ANKS1B: variants seen among roughly 807,000 people sequenced by gnomAD.
ANKS1B encodes the protein ankyrin repeat and sterile alpha motif domain-containing protein 1B.
ANKS1B carries 36 observed loss-of-function variants against 148.3 expected under a neutral mutation model. The observed-to-expected ratio is 0.24, with a 90% confidence interval of 0.19 to 0.32. The LOEUF is 0.32. Among genes scored for constraint, ANKS1B ranks in the 10% least tolerant of loss-of-function variants. The pLI, the probability that ANKS1B is intolerant of heterozygous loss-of-function variation, is 1.00. For missense variants in ANKS1B, 1,157 were observed against 1,542.6 expected, an observed-to-expected ratio of 0.75 and a Z score of 4.19; for synonymous variants, 542 against 560.8, an observed-to-expected ratio of 0.97 and a Z score of 0.47.
intron 17 of ANKS1B, among the ~76,000 whole-genome samples, chr12:98,964,245 A>C (rs1371580280): frequency 1.3e-5 from 2 of 152,232 alleles, no homozygotes; most frequent in Non-Finnish European, 2.9e-5. Context: ...AACTGCAATG[A>C]GATATCATTT....
chr12:99,930,309 T>G (rs2094581060), intron 1 of ANKS1B, among the ~76,000 whole-genome samples: 1 of 152,082 alleles, frequency 6.6e-6, no homozygotes, highest in Non-Finnish European at 1.5e-5. Flanking sequence ...TGTCTGTTAT[T>G]GGTGTATAAG....
At chr12:99,866,352 T>C (rs940078749) in intron 1 of ANKS1B, among the ~76,000 whole-genome samples, 2 of 152,188 alleles carry the variant, frequency 1.3e-5, no homozygotes, top group Non-Finnish European at 2.9e-5. Context: ...TCCAGCATAC[T>C]TGCATTTTTC....
At chr12:99,338,337 T>C (rs932084796) in intron 12 of ANKS1B, among the ~76,000 whole-genome samples, 9 of 152,154 alleles carry the variant, frequency 5.9e-5, no homozygotes, top group Admixed American at 5.9e-4. Flanking sequence ...ACTGTGTGGC[T>C]ATTGCCGATA....
chr12:99,627,693 A>C (rs938095328), intron 9 of ANKS1B, among the ~76,000 whole-genome samples: 21 of 152,352 alleles, frequency 1.4e-4, no homozygotes, highest in African/African-American at 4.8e-4. Flanking sequence ...GCTGGAGATC[A>C]TAAACATTTG....
chr12:98,771,796 GAGCATATGGGCC>G (rs1301529417), intron 25 of ANKS1B, among the ~76,000 whole-genome samples: 2 of 152,162 alleles, frequency 1.3e-5, no homozygotes, highest in African/African-American at 4.8e-5. Flanking sequence ...ATTTCTGAAT[GAGCATATGGGCC>G]AAATCTTGGA....
At chr12:99,317,410 T>C (rs1474797969) in intron 12 of ANKS1B, among the ~76,000 whole-genome samples, 1 of 152,250 alleles carries the variant, frequency 6.6e-6, no homozygotes, top group East Asian at 1.9e-4. Flanking sequence ...CTAGGTATTT[T>C]ATTCTCTTTG....
intron 17 of ANKS1B, 109 bp downstream of exon 17, chr12:99,053,048 G>A (rs2099967308): frequency 1.0e-6 from 1 of 961,458 alleles, no homozygotes. Context: ...TAAAACAGAA[G>A]GCATATCTAT....
chr12:99,801,230 G>A (rs1336513744), intron 4 of ANKS1B, among the ~76,000 whole-genome samples: 13 of 152,154 alleles, frequency 8.5e-5, no homozygotes, highest in African/African-American at 3.1e-4. Context: ...ATGCCCCCCT[G>A]CCTAGTCCCA....
chr12:99,265,814 C>A (rs1483462461), intron 12 of ANKS1B, among the ~76,000 whole-genome samples: 1 of 152,112 alleles, frequency 6.6e-6, no homozygotes, highest in African/African-American at 2.4e-5. Context: ...TTCTTTACTT[C>A]GTGCTTTAAC....
chr12:99,143,624 G>A (rs959892740), intron 15 of ANKS1B, among the ~76,000 whole-genome samples: 1 of 152,040 alleles, frequency 6.6e-6, no homozygotes, highest in African/African-American at 2.4e-5. Flanking sequence ...TGTTTGATGT[G>A]GTGTCTCCTG....
intron 8 of ANKS1B, among the ~76,000 whole-genome samples, chr12:99,701,592 C>T (rs999750218): frequency 2.0e-5 from 3 of 152,054 alleles, no homozygotes; most frequent in African/African-American, 7.2e-5. Flanking sequence ...TTATTGCCGA[C>T]TACAGACACC....
chr12:98,905,663 C>T (rs2152805635), intron 17 of ANKS1B, among the ~76,000 whole-genome samples: 1 of 152,010 alleles, frequency 6.6e-6, no homozygotes, highest in South Asian at 2.1e-4. Flanking sequence ...TCCCAGCTGT[C>T]CGGGAGGGTG....
rs11110103 is a variant in ANKS1B, at chr12:99,901,650, G to A, written c.135-76261C>T. ...TTCTCAGTCCATGTAGACTGGATGA[G>A]GTCTCCTTACTCCACTCAACAAAGC... On this transcript the variant is annotated intron_variant, in intron 1 of 26. Coordinates refer to ENST00000683438, the MANE Select transcript of ANKS1B (RefSeq NM_001352186.2). Among the ~76,000 whole-genome samples, 327 of 152,216 alleles carry A rather than the reference G, an allele frequency of 2.1e-3. 1 individual carries two copies. Among genetic ancestry groups the A allele is most frequent in the African/African-American group, 7.6e-3 (315 of 41,518 alleles).
intron 12 of ANKS1B, among the ~76,000 whole-genome samples, chr12:99,360,824 GA>G (rs747666998): frequency 1.3e-5 from 2 of 152,026 alleles, no homozygotes; most frequent in African/African-American, 2.4e-5. Context: ...CGGTTTACTG[GA>G]GATCATTCTG....
intron 8 of ANKS1B, among the ~76,000 whole-genome samples, chr12:99,759,097 C>T (rs1347152668): frequency 6.6e-6 from 1 of 151,790 alleles, no homozygotes; most frequent in Non-Finnish European, 1.5e-5. Flanking sequence ...ATTCCCTTGA[C>T]TAAGCATTCT....
At chr12:99,237,009 C>A (rs1426032918) in intron 14 of ANKS1B, among the ~76,000 whole-genome samples, 1 of 152,006 alleles carries the variant, frequency 6.6e-6, no homozygotes, top group Non-Finnish European at 1.5e-5. Context: ...AGGCTTAATA[C>A]CTGGGTGATG....
At chr12:99,780,497 T>C (rs192014573) in intron 5 of ANKS1B, among the ~76,000 whole-genome samples, 2,568 of 152,060 alleles carry the variant, frequency 0.017, 49 homozygotes, top group Non-Finnish European at 0.022. Flanking sequence ...TTAGCAAGGA[T>C]GGTCTCGATA....
rs547673069 is a variant in ANKS1B at position 99,136,231 on chromosome 12, C to T, written c.2526+18058G>A. ...AGGACCCAGGTATGGGGTTTTCATT[C>T]TTGATACGGCTTCCCACACCCCACG... On this transcript the variant is annotated intron_variant, in intron 15 of 26. Coordinates refer to ENST00000683438, the MANE Select transcript of ANKS1B (RefSeq NM_001352186.2). Among the ~76,000 whole-genome samples, 57 of 152,284 alleles carry T rather than the reference C, an allele frequency of 3.7e-4. 2 individuals carry two copies. The South Asian group carries it at 7.0e-3, about 19-fold the overall frequency.
intron 22 of ANKS1B, among the ~76,000 whole-genome samples, chr12:98,795,177 A>G (rs991594786): frequency 6.6e-6 from 1 of 152,254 alleles, no homozygotes; most frequent in African/African-American, 2.4e-5. Context: ...TGTATAAAAT[A>G]AAATATTCTT....
Sources: allele counts gnomAD v4.1 joint callset (sites outside exome capture counted in the v4.1 genomes callset), GRCh38; gene constraint gnomAD v4.1.1; transcripts MANE v1.5; gene names NCBI Gene and HGNC (gene_info 2026-07-23, HGNC 2026-07-21).